The following COG5 variants were observed in gnomAD, a reference collection of about 807,000 sequenced individuals.
The protein encoded by COG5 is component of oligomeric golgi complex 5.
COG5 carries 86 observed loss-of-function variants against 110.4 expected under a neutral mutation model. The observed-to-expected ratio is 0.78, with a 90% CI of 0.65 to 0.93. The LOEUF (loss-of-function observed/expected upper bound fraction) is 0.93. Among genes scored for constraint, COG5 ranks in the 40% least tolerant of loss-of-function variants. The pLI is 0.00. For missense variants in COG5, 1,077 were observed against 987.0 expected, an observed-to-expected ratio of 1.09 and a Z score of -1.22; for synonymous variants, 360 against 334.6, an observed-to-expected ratio of 1.08 and a Z score of -0.83.
intron 7 of COG5, among the ~76,000 whole-genome samples, chr7:107,377,107 T>C (rs550374162): frequency 2.6e-5 from 4 of 152,322 alleles, no homozygotes; most frequent in South Asian, 4.1e-4. Context: ...GTTTGGTCCC[T>C]CTTTCTCAAT....
intron 5 of COG5, among the ~76,000 whole-genome samples, chr7:107,546,747 A>G (rs1360260614): frequency 6.6e-6 from 1 of 152,110 alleles, no homozygotes. Context: ...ACTACTATGA[A>G]CAAATATATG....
rs1805922446 is a variant in COG5, at chr7:107,288,956, A to ATATG, written c.1314-5225_1314-5224insCATA. Among the ~76,000 whole-genome samples the ATATG allele has an allele frequency of 2.9e-5, 3 of 102,282 alleles. No individual in the cohort carries two copies. In the South Asian group the frequency reaches 9.1e-4, roughly 31 times the overall value. The allele number at this position is 102,282 out of a possible 152,430, so 67.1% of individuals were successfully genotyped here. On this transcript the variant is annotated intron_variant, in intron 12 of 21. Coordinates refer to ENST00000297135, the MANE Select transcript of COG5 (RefSeq NM_006348.5). Reference sequence around the variant, plus strand: ...TATATATATATATATATATATATATATATATATTTAAAAATTTATCTATAT... The same window carrying ATATG: ...TATATATATATATATATATATATATATATGTATATATTTAAAAATTTATCTATAT...
At chr7:107,330,934 T>C (rs1225930199) in intron 10 of COG5, among the ~76,000 whole-genome samples, 1 of 151,728 alleles carries the variant, frequency 6.6e-6, no homozygotes, top group Non-Finnish European at 1.5e-5. Flanking sequence ...GCGATTCTCC[T>C]GTCTAGGCCT....
At chr7:107,324,140 C>G (rs1457519009) in intron 11 of COG5, among the ~76,000 whole-genome samples, 2 of 152,126 alleles carry the variant, frequency 1.3e-5, no homozygotes, top group East Asian at 3.8e-4. Flanking sequence ...CTGCTTTACA[C>G]ACTCTACGTA....
At chr7:107,419,105 A>G (rs1014408937) in intron 6 of COG5, among the ~76,000 whole-genome samples, 1 of 152,150 alleles carries the variant, frequency 6.6e-6, no homozygotes, top group African/African-American at 2.4e-5. Flanking sequence ...TTTAAAGACA[A>G]TTTTTCACAT....
intron 3 of COG5, among the ~76,000 whole-genome samples, chr7:107,552,608 A>AT (rs1330627245): frequency 6.6e-6 from 1 of 152,218 alleles, no homozygotes; most frequent in African/African-American, 2.4e-5. Context: ...AATGACTATT[A>AT]TTAAAAAGTC....
intron 6 of COG5, chr7:107,475,174 C>A (rs747733578): frequency 1.2e-6 from 2 of 1,609,972 alleles, no homozygotes; most frequent in Admixed American, 3.4e-5. Flanking sequence ...ATTCACTAGA[C>A]AAAAATTTCA....
At chr7:107,292,796 C>T (rs770403687) in intron 12 of COG5, among the ~76,000 whole-genome samples, 2 of 152,158 alleles carry the variant, frequency 1.3e-5, no homozygotes, top group Non-Finnish European at 2.9e-5. Flanking sequence ...AAGTAATTTA[C>T]TGAGGCTCCA....
chr7:107,486,494 A>AC (rs1797665029), intron 6 of COG5, among the ~76,000 whole-genome samples: 1 of 152,182 alleles, frequency 6.6e-6, no homozygotes, highest in African/African-American at 2.4e-5. Context: ...ATGCCTTACA[A>AC]ATTACTCAAA....
At position 107,403,068 on chromosome 7, in the gene COG5, A is replaced by G. The variant is rs1791554539; in HGVS notation, c.669+9434T>C. ...TATTTAAAACATACAAATAAATACAAAACACTTAGGCAATTAACTAGGAAA... is the reference window on the plus strand; with the variant it reads ...TATTTAAAACATACAAATAAATACAGAACACTTAGGCAATTAACTAGGAAA... On this transcript the variant is annotated intron_variant, in intron 7 of 21. Coordinates refer to ENST00000297135, the MANE Select transcript of COG5 (RefSeq NM_006348.5). Among the ~76,000 whole-genome samples the G allele has an allele frequency of 2.0e-5, 3 of 152,250 alleles. No homozygotes were observed. In the South Asian group the frequency reaches 6.2e-4, roughly 32 times the overall value.
intron 6 of COG5, among the ~76,000 whole-genome samples, chr7:107,507,951 G>C (rs1023646307): frequency 7.2e-5 from 11 of 152,342 alleles, no homozygotes; most frequent in African/African-American, 2.6e-4. Context: ...CCCAGCGTGA[G>C]CGACGCAGAA....
chr7:107,357,775 C>G (rs920653683), intron 10 of COG5, among the ~76,000 whole-genome samples: 10 of 152,146 alleles, frequency 6.6e-5, no homozygotes, highest in African/African-American at 2.4e-4. Context: ...CTCAAGCAAT[C>G]CTCCTGCTTC....
intron 6 of COG5, among the ~76,000 whole-genome samples, chr7:107,476,537 C>T (rs1025483758): frequency 1.3e-5 from 2 of 151,620 alleles, no homozygotes; most frequent in Non-Finnish European, 3.0e-5. Context: ...TTCTCTCCCA[C>T]CCTCAATTCA....
intron 6 of COG5, among the ~76,000 whole-genome samples, chr7:107,499,396 G>T (rs112196580): frequency 6.7e-6 from 1 of 149,102 alleles, no homozygotes; most frequent in South Asian, 2.1e-4. Context: ...AAAACAAAGG[G>T]AAGAGGAGTA....
chr7:107,268,072 G>A (rs1199838408), intron 14 of COG5, among the ~76,000 whole-genome samples: 3 of 152,060 alleles, frequency 2.0e-5, no homozygotes, highest in South Asian at 4.2e-4. Context: ...AGGTTCAAGC[G>A]ATTCTCCTGC....
chr7:107,225,811 G>C (rs896724651), intron 19 of COG5, among the ~76,000 whole-genome samples: 3 of 152,148 alleles, frequency 2.0e-5, no homozygotes, highest in African/African-American at 7.2e-5. Flanking sequence ...GGGAGGCCGA[G>C]GCAGGCAGAT....
chr7:107,372,436 A>T (rs576804832), intron 8 of COG5, among the ~76,000 whole-genome samples, 159 bp downstream of exon 8: 2 of 152,328 alleles, frequency 1.3e-5, no homozygotes, highest in South Asian at 4.1e-4. Flanking sequence ...TAGACAAAAA[A>T]GATATAAATA....
intron 5 of COG5, among the ~76,000 whole-genome samples, chr7:107,533,180 C>G (rs1801335448): frequency 6.6e-6 from 1 of 151,398 alleles, no homozygotes; most frequent in Non-Finnish European, 1.5e-5. Flanking sequence ...CAGCAAAGAC[C>G]AAAAGGTAGA....
intron 7 of COG5, among the ~76,000 whole-genome samples, chr7:107,401,469 C>G (rs572162846): frequency 6.6e-6 from 1 of 152,220 alleles, no homozygotes; most frequent in Non-Finnish European, 1.5e-5. Context: ...TACTCCACAT[C>G]AGGTCTCCAT....
Sources: gnomAD v4.1 joint callset for allele counts (sites outside exome capture counted in the v4.1 genomes callset) on GRCh38, gnomAD v4.1.1 for gene constraint, MANE v1.5 for transcripts, NCBI Gene and HGNC (gene_info 2026-07-23, HGNC 2026-07-21) for gene names.